The following TRABD2B variants were observed in gnomAD, a reference collection of about 807,000 sequenced individuals.
TRABD2B encodes the protein metalloprotease TIKI2.
A neutral mutation model predicts 40.1 loss-of-function variants in TRABD2B; 14 were observed. The ratio of observed to expected loss-of-function variants is 0.35; its 90% CI spans 0.23 to 0.55. TRABD2B has a LOEUF of 0.55. Among genes scored for constraint, TRABD2B ranks in the 20% least tolerant of loss-of-function variants. The probability of loss-of-function intolerance (pLI) is 0.90; values close to 1 mark genes in which losing one functional copy is unlikely to be tolerated. For synonymous variants in TRABD2B, 263 were observed against 277.0 expected (o/e 0.95, Z 0.50); for missense variants, 541 against 648.6 (o/e 0.83, Z 1.80).
At chr1:47,895,461 C>A (rs935373978) in intron 2 of TRABD2B, among the ~76,000 whole-genome samples, 4 of 152,116 alleles carry the variant, frequency 2.6e-5, no homozygotes, top group Non-Finnish European at 5.9e-5. Flanking sequence ...CCCCACTGCC[C>A]CCCTCCCACC....
rs74072093 is a variant in TRABD2B at position 47,945,449 on chromosome 1, T to C, written c.666+48585A>G. ...TCATTATTAAAAAATAATTTACATA[T>C]AATAAATGCACCTTTTTTTGGTGTA... On this transcript the variant is annotated intron_variant, in intron 2 of 6. Coordinates refer to ENST00000606738, the MANE Select transcript of TRABD2B (RefSeq NM_001194986.2). Among the ~76,000 whole-genome samples, 866 of 152,264 alleles carry C rather than the reference T, an allele frequency of 5.7e-3. 2 individuals carry two copies. Among genetic ancestry groups the C allele is most frequent in the African/African-American group, 0.02 (830 of 41,550 alleles).
At chr1:47,982,638 G>A (rs1198881450) in intron 2 of TRABD2B, among the ~76,000 whole-genome samples, 4 of 152,208 alleles carry the variant, frequency 2.6e-5, no homozygotes, top group African/African-American at 9.7e-5. Context: ...AATTTACTGT[G>A]ATAAACCAGA....
chr1:47,933,901 G>A (rs781552502), intron 2 of TRABD2B, among the ~76,000 whole-genome samples: 16 of 152,234 alleles, frequency 1.1e-4, no homozygotes, highest in Non-Finnish European at 1.9e-4. Context: ...ACACAAGTTT[G>A]TGGTTATTGA....
At chr1:47,859,814 C>T (rs1643939795) in intron 2 of TRABD2B, among the ~76,000 whole-genome samples, 1 of 152,178 alleles carries the variant, frequency 6.6e-6, no homozygotes, top group Admixed American at 6.5e-5. Flanking sequence ...ACAGGGCTGA[C>T]GTCATTCTAT....
At chr1:47,901,048 A>T (rs890441979) in intron 2 of TRABD2B, among the ~76,000 whole-genome samples, 11 of 152,244 alleles carry the variant, frequency 7.2e-5, no homozygotes, top group African/African-American at 2.4e-4. Context: ...CAATCATAAA[A>T]GGGTGGGTAA....
chr1:47,928,344 A>T (rs1242529676), intron 2 of TRABD2B, among the ~76,000 whole-genome samples: 1 of 152,242 alleles, frequency 6.6e-6, no homozygotes, highest in Admixed American at 6.5e-5. Context: ...TGGTTTTGCC[A>T]CCTGTAAAAT....
rs1644295013 is a variant in TRABD2B at position 47,765,885 on chromosome 1, A to T, written c.*17T>A. The T allele has an allele frequency of 1.4e-6, 1 of 702,760 alleles. No individual in the cohort carries two copies. The highest frequency in any genetic ancestry group is 1.7e-5 in the African/African-American group (1 of 57,238). The allele number at this position is 702,760 out of a possible 1,614,324, so 43.5% of individuals were successfully genotyped here. A position where few individuals can be genotyped will look rare whatever the true frequency, so the allele number is the denominator to read the frequency against. On this transcript the variant is annotated 3_prime_UTR_variant, in exon 7 of 7. Transcript: ENST00000606738. ...CCTGTGTCATTTCTCTGGCTTCTCCACTTGGGGTGGCCGAGGTCAGGAGGG... is the reference window on the plus strand; with the variant it reads ...CCTGTGTCATTTCTCTGGCTTCTCCTCTTGGGGTGGCCGAGGTCAGGAGGG...
intron 2 of TRABD2B, among the ~76,000 whole-genome samples, chr1:47,900,144 C>T (rs1395502892): frequency 6.6e-6 from 1 of 152,092 alleles, no homozygotes; most frequent in African/African-American, 2.4e-5. Flanking sequence ...GAGAACTCAC[C>T]TGCCAGACTG....
chr1:47,826,762 G>T (rs907059915), intron 2 of TRABD2B, among the ~76,000 whole-genome samples: 2 of 152,140 alleles, frequency 1.3e-5, no homozygotes, highest in Non-Finnish European at 2.9e-5. Flanking sequence ...TAGTGGAGAC[G>T]TGATCTTGTT....
intron 2 of TRABD2B, among the ~76,000 whole-genome samples, chr1:47,908,608 C>T (rs193055481): frequency 1.3e-5 from 2 of 152,338 alleles, no homozygotes; most frequent in East Asian, 3.9e-4. Context: ...CTGTCTCTTG[C>T]CACCTCCTCT....
At chr1:47,892,908 C>T (rs146793470) in intron 2 of TRABD2B, among the ~76,000 whole-genome samples, 11 of 152,292 alleles carry the variant, frequency 7.2e-5, no homozygotes, top group African/African-American at 2.4e-4. Flanking sequence ...GAAGTGCAGT[C>T]TGACATGCAA....
chr1:47,855,754 A>G (rs1305939163), intron 2 of TRABD2B, among the ~76,000 whole-genome samples: 1 of 152,212 alleles, frequency 6.6e-6, no homozygotes, highest in African/African-American at 2.4e-5. Context: ...CCTTACAGGG[A>G]AAGACACAGA....
intron 2 of TRABD2B, among the ~76,000 whole-genome samples, chr1:47,987,261 C>G (rs1255074693): frequency 6.6e-6 from 1 of 152,132 alleles, no homozygotes; most frequent in Non-Finnish European, 1.5e-5. Flanking sequence ...GAGCTGGCCC[C>G]TTCCAACTCT....
At position 47,988,651 on chromosome 1, in the gene TRABD2B, C is replaced by T. The variant is rs1201945273; in HGVS notation, c.666+5383G>A. Among the ~76,000 whole-genome samples the T allele has an allele frequency of 4.6e-5, 7 of 152,174 alleles. No homozygotes were observed. In the East Asian group the frequency reaches 7.7e-4, roughly 17 times the overall value. On this transcript the variant is annotated intron_variant, in intron 2 of 6. Coordinates refer to ENST00000606738, the MANE Select transcript of TRABD2B (RefSeq NM_001194986.2). ...GCCAAAGACAAGCCTGCCAGCCCCTCCCAACTACAGATAACTCAGGCTCAA... is the reference window on the plus strand; with the variant it reads ...GCCAAAGACAAGCCTGCCAGCCCCTTCCAACTACAGATAACTCAGGCTCAA...
At chr1:47,936,536 G>A (rs769391402) in intron 2 of TRABD2B, among the ~76,000 whole-genome samples, 75 of 152,150 alleles carry the variant, frequency 4.9e-4, no homozygotes, top group African/African-American at 1.3e-3. Flanking sequence ...CTAGGAAAGC[G>A]TATCTTCAGT....
intron 2 of TRABD2B, among the ~76,000 whole-genome samples, chr1:47,803,585 G>A (rs886560640): frequency 5.3e-5 from 8 of 152,136 alleles, no homozygotes; most frequent in Non-Finnish European, 1.2e-4. Flanking sequence ...TGCATGAGTG[G>A]AAAACTCTTA....
intron 2 of TRABD2B, among the ~76,000 whole-genome samples, chr1:47,916,345 C>T (rs1874570): frequency 5.3e-5 from 8 of 152,174 alleles, no homozygotes; most frequent in Non-Finnish European, 1.0e-4. Flanking sequence ...CCTGGAAGCA[C>T]AAAGATGGAT....
chr1:47,984,259 T>C (rs1645884688), intron 2 of TRABD2B, among the ~76,000 whole-genome samples: 1 of 152,190 alleles, frequency 6.6e-6, no homozygotes, highest in Non-Finnish European at 1.5e-5. Context: ...CAGGAACGCC[T>C]CGCCCCGAGG....
At chr1:47,977,435 G>C (rs1645772384) in intron 2 of TRABD2B, among the ~76,000 whole-genome samples, 1 of 152,144 alleles carries the variant, frequency 6.6e-6, no homozygotes, top group Non-Finnish European at 1.5e-5. Context: ...CTGAAGGAGA[G>C]TGGGACAAAG....
Sources: allele counts gnomAD v4.1 joint callset (sites outside exome capture counted in the v4.1 genomes callset), GRCh38; gene constraint gnomAD v4.1.1; transcripts MANE v1.5; gene names NCBI Gene and HGNC (gene_info 2026-07-23, HGNC 2026-07-21).